ZNF254: variants seen among roughly 807,000 people sequenced by gnomAD.
ZNF254 encodes the protein zinc finger protein 254.
In ZNF254, 10 loss-of-function variants were observed where a neutral mutation model predicts 12.4. That is an observed-to-expected ratio of 0.80 (90% CI 0.50 to 1.36). ZNF254 has a LOEUF of 1.36. Among genes scored for constraint, ZNF254 ranks in the 40% most tolerant of loss-of-function variants. The pLI is 0.00. For synonymous variants in ZNF254, 305 were observed against 253.4 expected (o/e 1.20, Z -1.93); for missense variants, 996 against 763.9 (o/e 1.30, Z -3.58).
chr19:24,039,509 C>G (rs1317698456), intron 1 of ZNF254, among the ~76,000 whole-genome samples: 1 of 152,172 alleles, frequency 6.6e-6, no homozygotes, highest in African/African-American at 2.4e-5. Context: ...ACTGCAACCT[C>G]TGCCTCCCTG....
chr19:24,060,347 G>T (rs777801559), intron 2 of ZNF254, among the ~76,000 whole-genome samples: 6 of 152,106 alleles, frequency 3.9e-5, no homozygotes, highest in Admixed American at 6.5e-5. Context: ...TCTGCTCACA[G>T]AAAAACTAAC....
chr19:24,085,408 G>GTGTATATATATATATATATATATATATA (rs1555759074), upstream of ZNF254, among the ~76,000 whole-genome samples: 2 of 32,710 alleles, frequency 6.1e-5, no homozygotes, highest in Admixed American at 5.3e-4. Flanking sequence ...TTTGTTAAGG[G>GTGTATATATATATATATATATATATATA]TATATATATA....
At chr19:24,107,225 T>G in intron 3 of ZNF254, 1 of 655,274 alleles carries the variant, frequency 1.5e-6, no homozygotes, top group Middle Eastern at 2.4e-4. Context: ...GGATTGGATT[T>G]TTCATTACTG....
At chr19:24,055,696 A>T (rs1339858796) in intron 2 of ZNF254, among the ~76,000 whole-genome samples, 1 of 152,152 alleles carries the variant, frequency 6.6e-6, no homozygotes, top group Non-Finnish European at 1.5e-5. Flanking sequence ...AGGTGGAAAA[A>T]TTGACTCTTA....
At chr19:24,112,369 G>A (rs554253197) in intron 3 of ZNF254, among the ~76,000 whole-genome samples, 1 of 144,728 alleles carries the variant, frequency 6.9e-6, no homozygotes, top group Non-Finnish European at 1.5e-5. Context: ...AGTATAGTTT[G>A]AAGTCAGGTA....
chr19:24,099,375 C>T (rs1972872061), intron 1 of ZNF254, among the ~76,000 whole-genome samples: 1 of 151,980 alleles, frequency 6.6e-6, no homozygotes, highest in African/African-American at 2.4e-5. Flanking sequence ...TGTGAGCTGC[C>T]AGCTGTGAGC....
At chr19:24,049,847 A>G (rs1425966687) in intron 2 of ZNF254, among the ~76,000 whole-genome samples, 1 of 151,994 alleles carries the variant, frequency 6.6e-6, no homozygotes, top group Non-Finnish European at 1.5e-5. Context: ...CAGGTAATGC[A>G]GCTCTCTTCT....
chr19:24,034,579 C>A (rs1969894704), intron 1 of ZNF254, among the ~76,000 whole-genome samples: 1 of 145,670 alleles, frequency 6.9e-6, no homozygotes, highest in East Asian at 2.1e-4. Flanking sequence ...CACACTGCAA[C>A]CTCTGTCTCC....
rs758178984 is a variant in ZNF254 at position 24,126,344 on chromosome 19, A to G, written c.344A>G (p.Tyr115Cys). The G allele has an allele frequency of 8.5e-5, 137 of 1,608,842 alleles. No homozygotes were observed. Among genetic ancestry groups the G allele is most frequent in the Admixed American group, 5.6e-4 (33 of 59,358 alleles). The change falls in exon 4 of 4, where the codon TAT (tyrosine) becomes TGT (cysteine). Residue 115 changes from tyrosine to cysteine, a missense_variant. Tyr to Cys is a radical substitution (Grantham distance 194). Coordinates refer to ENST00000357002, the MANE Select transcript of ZNF254 (RefSeq NM_203282.4). ...GCAATACTGAGAAGATATGGAAAAT[A>G]TGGACATGAGAATTTACAGTTAAGA... ...QKAILRRYGKYGHENLQLRKG... is the reference protein window; with the variant it reads ...QKAILRRYGKCGHENLQLRKG...
intron 3 of ZNF254, among the ~76,000 whole-genome samples, chr19:24,120,973 T>C (rs1974439584): frequency 6.6e-6 from 1 of 152,104 alleles, no homozygotes; most frequent in African/African-American, 2.4e-5. Flanking sequence ...TCCTGGTCTT[T>C]AGTGTTGTGA....
chr19:24,090,988 G>T (rs1189942040), intron 1 of ZNF254, among the ~76,000 whole-genome samples: 1 of 116,942 alleles, frequency 8.6e-6, no homozygotes, highest in African/African-American at 3.4e-5. Flanking sequence ...TCACTCTGTC[G>T]CCCAGGCTGG....
At chr19:24,055,360 A>G (rs1453916792) in intron 2 of ZNF254, among the ~76,000 whole-genome samples, 2 of 151,376 alleles carry the variant, frequency 1.3e-5, no homozygotes, top group Non-Finnish European at 2.9e-5. Context: ...GCTTACTGCA[A>G]TCTCCACCTC....
chr19:24,116,024 C>T (rs1177378725), intron 3 of ZNF254, among the ~76,000 whole-genome samples: 2 of 152,114 alleles, frequency 1.3e-5, no homozygotes, highest in African/African-American at 4.8e-5. Flanking sequence ...AATATTGGCC[C>T]CCACTCTCTT....
chr19:24,115,368 C>T (rs1459204452), intron 3 of ZNF254, among the ~76,000 whole-genome samples: 2 of 152,122 alleles, frequency 1.3e-5, no homozygotes, highest in Non-Finnish European at 2.9e-5. Context: ...AGTTCATGTC[C>T]TTTGTAGGGA....
At chr19:24,115,893 G>A (rs1295120730) in intron 3 of ZNF254, among the ~76,000 whole-genome samples, 1 of 152,178 alleles carries the variant, frequency 6.6e-6, no homozygotes, top group African/African-American at 2.4e-5. Context: ...CAGGCCTGGT[G>A]GTGACAAAGT....
intron 2 of ZNF254, among the ~76,000 whole-genome samples, chr19:24,077,697 GTGGCCATGCCA>G (rs747570672): frequency 2.0e-5 from 3 of 152,164 alleles, no homozygotes; most frequent in African/African-American, 4.8e-5. Flanking sequence ...GTGACCCAAG[GTGGCCATGCCA>G]TGGTTCTGGG....
In ZNF254 at chr19:24,127,621, A is replaced by G. The variant is rs1207668164; in HGVS notation, c.1621A>G (p.Thr541Ala). The change falls in exon 4 of 4, where the codon ACT becomes GCT. Residue 541 changes from threonine to alanine, a missense_variant. Physicochemically the swap from Thr to Ala is moderately conservative, Grantham distance 58. Coordinates refer to ENST00000357002, the MANE Select transcript of ZNF254 (RefSeq NM_203282.4). ...STLTKHKIIHTEEKPYKCEKC... is the reference protein window; with the variant it reads ...STLTKHKIIHAEEKPYKCEKC... ...TCTTACTAAACATAAGATAATTCAT[A>G]CTGAAGAGAAACCCTACAAATGTGA... The G allele has an allele frequency of 1.9e-6, 3 of 1,608,372 alleles. No individual in the cohort carries two copies. The highest frequency in any genetic ancestry group is 1.7e-5 in the Admixed American group (1 of 59,162).
rs971632310 is a variant in ZNF254, at chr19:24,128,855, A to AT, written c.*881dup. 8 of 151,970 alleles carry AT rather than the reference A, an allele frequency of 5.3e-5. No homozygotes were observed. The highest frequency in any genetic ancestry group is 1.9e-4 in the African/African-American group (8 of 41,420). The allele number at this position is 151,970 out of a possible 1,614,324, so 9.4% of individuals were successfully genotyped here. On this transcript the variant is annotated 3_prime_UTR_variant, in exon 4 of 4. Coordinates refer to ENST00000357002, the MANE Select transcript of ZNF254 (RefSeq NM_203282.4). ...TTGTATATAACTTTAAAAATAGAAT[A>AT]TTTTTTGGAGGGTTATAATTACATT...
At chr19:24,100,507 A>G (rs1035999509) in intron 1 of ZNF254, among the ~76,000 whole-genome samples, 2 of 152,084 alleles carry the variant, frequency 1.3e-5, no homozygotes, top group East Asian at 3.9e-4. Context: ...TCCTTCAACT[A>G]TGTATTCATC....
Sources: gnomAD v4.1 joint callset for allele counts (sites outside exome capture counted in the v4.1 genomes callset) on GRCh38, gnomAD v4.1.1 for gene constraint, MANE v1.5 for transcripts, NCBI Gene and HGNC (gene_info 2026-07-23, HGNC 2026-07-21) for gene names.